The following SDCCAG8 variants were observed in gnomAD, a reference collection of about 807,000 sequenced individuals.
SDCCAG8 encodes serologically defined colon cancer antigen 8.
Under a neutral mutation model 101.8 loss-of-function variants are expected in SDCCAG8, and 74 were observed. The observed-to-expected ratio is 0.73, with a 90% CI of 0.60 to 0.88. The LOEUF (loss-of-function observed/expected upper bound fraction) is 0.88, where lower values mean the gene tolerates loss of function less well. SDCCAG8 is among the 40% of genes least tolerant of loss of function. The pLI, the probability that SDCCAG8 is intolerant of heterozygous loss-of-function variation, is 0.00. For missense variants in SDCCAG8, 787 were observed against 822.6 expected (o/e 0.96, Z 0.53); for synonymous variants, 281 against 292.9 (o/e 0.96, Z 0.41).
At chr1:243,365,757 A>G (rs1221180572) in intron 12 of SDCCAG8, among the ~76,000 whole-genome samples, 1 of 152,136 alleles carries the variant, frequency 6.6e-6, no homozygotes, top group Non-Finnish European at 1.5e-5. Flanking sequence ...TTCTTTGGAA[A>G]TTGTGACTTT....
At chr1:243,359,247 A>G (rs1418877288) in intron 12 of SDCCAG8, among the ~76,000 whole-genome samples, 1 of 152,190 alleles carries the variant, frequency 6.6e-6, no homozygotes, top group Non-Finnish European at 1.5e-5. Flanking sequence ...AATTGATTTC[A>G]TTGCTAATAC....
At chr1:243,494,382 A>T (rs915427740) in intron 17 of SDCCAG8, among the ~76,000 whole-genome samples, 5 of 152,236 alleles carry the variant, frequency 3.3e-5, no homozygotes, top group Admixed American at 6.5e-5. Flanking sequence ...AGTGACTTGC[A>T]TATTTTTTTA....
At chr1:243,294,700 C>CG (rs900618791) in intron 6 of SDCCAG8, among the ~76,000 whole-genome samples, 8 of 82,146 alleles carry the variant, frequency 9.7e-5, no homozygotes, top group East Asian at 3.8e-4. Flanking sequence ...CTAAATTCCC[C>CG]CCCCCCCCCA....
At chr1:243,364,753 T>A (rs2076901867) in intron 12 of SDCCAG8, among the ~76,000 whole-genome samples, 1 of 152,190 alleles carries the variant, frequency 6.6e-6, no homozygotes, top group African/African-American at 2.4e-5. Context: ...AATAAACATT[T>A]TCTTTTGTCC....
chr1:243,332,635 G>A (rs534356373), intron 10 of SDCCAG8, among the ~76,000 whole-genome samples: 3 of 151,752 alleles, frequency 2.0e-5, no homozygotes, highest in South Asian at 2.1e-4. Flanking sequence ...TCACAGACCC[G>A]GTCTGGAGGT....
chr1:243,294,217 A>G (rs955453679), intron 6 of SDCCAG8, among the ~76,000 whole-genome samples: 3 of 151,966 alleles, frequency 2.0e-5, no homozygotes, highest in Non-Finnish European at 4.4e-5. Context: ...AAAATTGAGC[A>G]TTTCCCTATT....
At chr1:243,292,329 G>A (rs188907597) in intron 5 of SDCCAG8, among the ~76,000 whole-genome samples, 3 of 152,214 alleles carry the variant, frequency 2.0e-5, no homozygotes, top group Admixed American at 6.5e-5. Context: ...ATTAGCATAC[G>A]AAAGGATACT....
intron 13 of SDCCAG8, among the ~76,000 whole-genome samples, chr1:243,400,256 C>T (rs2079292952): frequency 6.6e-6 from 1 of 152,196 alleles, no homozygotes; most frequent in Admixed American, 6.5e-5. Flanking sequence ...ATTTATATGA[C>T]TTATGGAAGC....
chr1:243,367,118 T>C (rs574431636), intron 12 of SDCCAG8, among the ~76,000 whole-genome samples: 1 of 152,316 alleles, frequency 6.6e-6, no homozygotes, highest in African/African-American at 2.4e-5. Context: ...TCAATAACTG[T>C]AATGAATATT....
chr1:243,440,836 C>T (rs76038549), intron 16 of SDCCAG8, among the ~76,000 whole-genome samples: 162 of 152,230 alleles, frequency 1.1e-3, no homozygotes, highest in African/African-American at 2.8e-3. Flanking sequence ...AGAGCAGTTT[C>T]GTGCATTGTT....
intron 1 of SDCCAG8, among the ~76,000 whole-genome samples, chr1:243,260,514 A>G (rs2067121138): frequency 6.6e-6 from 1 of 152,222 alleles, no homozygotes; most frequent in African/African-American, 2.4e-5. Flanking sequence ...ATTATAGGCA[A>G]TCCAGGCTCT....
At chr1:243,266,553 C>G (rs2067603850) in intron 1 of SDCCAG8, among the ~76,000 whole-genome samples, 1 of 151,912 alleles carries the variant, frequency 6.6e-6, no homozygotes, top group African/African-American at 2.4e-5. Context: ...CTCTTGACCT[C>G]AGGTGATCCA....
intron 16 of SDCCAG8, among the ~76,000 whole-genome samples, chr1:243,468,393 T>C (rs2148182327): frequency 1.3e-5 from 2 of 152,280 alleles, no homozygotes; most frequent in East Asian, 3.9e-4. Context: ...AATTTTTGTA[T>C]TTTTAGTAGA....
At chr1:243,270,542 C>T (rs1186449934) in intron 2 of SDCCAG8, among the ~76,000 whole-genome samples, 1 of 152,206 alleles carries the variant, frequency 6.6e-6, no homozygotes, top group Non-Finnish European at 1.5e-5. Flanking sequence ...TCATCCATCT[C>T]ACAACTCATA....
chr1:243,403,116 G>A (rs1029783620), intron 13 of SDCCAG8, among the ~76,000 whole-genome samples: 11 of 152,194 alleles, frequency 7.2e-5, no homozygotes, highest in Admixed American at 5.9e-4. Context: ...TGGGCTGGAC[G>A]TTGCCGGTTG....
At chr1:243,296,634 C>T (rs1237185765) in intron 6 of SDCCAG8, among the ~76,000 whole-genome samples, 1 of 148,634 alleles carries the variant, frequency 6.7e-6, no homozygotes. Flanking sequence ...GCTCCGCCTT[C>T]CGGGTTCACG....
intron 12 of SDCCAG8, among the ~76,000 whole-genome samples, chr1:243,348,534 C>G (rs371010906): frequency 1.3e-5 from 2 of 152,132 alleles, no homozygotes; most frequent in African/African-American, 4.8e-5. Flanking sequence ...GTGGAGGGAC[C>G]CACCCCAGCA....
chr1:243,322,779 C>CTTT (rs200221920), intron 9 of SDCCAG8, among the ~76,000 whole-genome samples: 1 of 144,422 alleles, frequency 6.9e-6, no homozygotes, highest in African/African-American at 2.5e-5. Context: ...CCCAATCACA[C>CTTT]TTTTTTTTTT....
chr1:243,263,021 A>G (rs2067306464), intron 1 of SDCCAG8, among the ~76,000 whole-genome samples: 1 of 152,182 alleles, frequency 6.6e-6, no homozygotes, highest in African/African-American at 2.4e-5. Flanking sequence ...GTGTCCCATC[A>G]TGGCACTGTC....
Sources: gnomAD v4.1 joint callset for allele counts (sites outside exome capture counted in the v4.1 genomes callset) on GRCh38, gnomAD v4.1.1 for gene constraint, MANE v1.5 for transcripts, NCBI Gene and HGNC (gene_info 2026-07-23, HGNC 2026-07-21) for gene names.